TCF12: variants seen among roughly 807,000 people sequenced by gnomAD.
TCF12 encodes the protein DNA-binding protein HTF4.
Under a neutral mutation model 86.0 loss-of-function variants are expected in TCF12, and 45 were observed. The observed-to-expected ratio is 0.52, with a 90% CI of 0.41 to 0.67. TCF12 has a LOEUF of 0.67. TCF12 is among the 30% of genes least tolerant of loss of function. The probability of loss-of-function intolerance (pLI) is 0.00; values close to 1 mark genes in which losing one functional copy is unlikely to be tolerated. For missense variants in TCF12, 881 were observed against 859.9 expected (o/e 1.02, Z -0.31); for synonymous variants, 330 against 299.6 (o/e 1.10, Z -1.05).
At chr15:57,281,781 A>C (rs2061702982) in intron 19 of TCF12, 1 of 152,750 alleles carries the variant, frequency 6.5e-6, no homozygotes, top group African/African-American at 2.4e-5. Context: ...CAGGGCTCCC[A>C]CTGACTTAAT....
chr15:57,247,931 T>A, intron 13 of TCF12: 1 of 757,814 alleles, frequency 1.3e-6, no homozygotes. Context: ...AGACCACCAG[T>A]AAAAAGTTTT....
chr15:57,277,684 C>T (rs1004162738), intron 19 of TCF12, among the ~76,000 whole-genome samples: 3 of 151,374 alleles, frequency 2.0e-5, no homozygotes, highest in Admixed American at 2.0e-4. Context: ...TGCCTGTAAT[C>T]CCAGCACAGT....
chr15:57,087,056 C>T (rs1883267858), intron 4 of TCF12, among the ~76,000 whole-genome samples: 1 of 146,850 alleles, frequency 6.8e-6, no homozygotes. Flanking sequence ...CCTCTGTCTC[C>T]CTCTGTCTCC....
intron 5 of TCF12, among the ~76,000 whole-genome samples, chr15:57,147,882 C>CTT (rs75528355): frequency 0.041 from 5,713 of 137,910 alleles, 337 homozygotes; most frequent in Admixed American, 0.17. Context: ...GGAAACTAGA[C>CTT]TTTTTTTTTT....
chr15:57,195,562 T>A (rs553213986), intron 7 of TCF12, among the ~76,000 whole-genome samples: 1 of 152,344 alleles, frequency 6.6e-6, no homozygotes, highest in Non-Finnish European at 1.5e-5. Context: ...TAAGGAAATA[T>A]AGGCTTGCCT....
chr15:57,231,689 C>A (rs1222627563), intron 9 of TCF12, among the ~76,000 whole-genome samples: 1 of 152,086 alleles, frequency 6.6e-6, no homozygotes, highest in Admixed American at 6.6e-5. Context: ...TCCTTTAATT[C>A]ATGTCTAGCA....
At chr15:57,281,132 C>G (rs1467726575) in intron 19 of TCF12, among the ~76,000 whole-genome samples, 1 of 129,682 alleles carries the variant, frequency 7.7e-6, no homozygotes, top group Non-Finnish European at 1.6e-5. Context: ...GAGACAGGGT[C>G]TTGCTCTGTC....
rs375906726 is a variant in TCF12 at position 57,232,793 on chromosome 15, A to G, written c.907A>G (p.Ser303Gly). The G allele has an allele frequency of 1.9e-6, 3 of 1,612,844 alleles. No individual in the cohort carries two copies. Among genetic ancestry groups the G allele is most frequent in the Non-Finnish European group, 2.5e-6 (3 of 1,179,452 alleles). ...GTCCAGCTTTCATCGCGGCAGTACC[A>G]GCAGTTCACCTTACGTTGCTGCCTC... ...PMSSFHRGST[S>G]SSPYVAASHT... is the part of the protein sequence containing the mutation. Residue 303 changes from serine to glycine, a missense_variant, in exon 11 of 21, where the codon AGC (serine) becomes GGC (glycine). Physicochemically the swap from Ser to Gly is moderately conservative, Grantham distance 56. This residue lies in a region of TCF12 where 766 missense variants were observed against 718.9 expected (regional missense o/e 1.07). Transcript: ENST00000333725.
chr15:57,067,309 G>T (rs2068962734), intron 4 of TCF12, among the ~76,000 whole-genome samples: 1 of 152,062 alleles, frequency 6.6e-6, no homozygotes, highest in Non-Finnish European at 1.5e-5. Context: ...GGGAGGCCGA[G>T]GCGGGCGGAT....
intron 5 of TCF12, among the ~76,000 whole-genome samples, chr15:57,107,175 A>C (rs1164551084): frequency 6.6e-6 from 1 of 152,238 alleles, no homozygotes; most frequent in Admixed American, 6.5e-5. Flanking sequence ...GATGTCCTTC[A>C]GTAGGTGAAT....
chr15:57,113,769 GTC>G (rs1181007360), intron 5 of TCF12, among the ~76,000 whole-genome samples: 1 of 119,782 alleles, frequency 8.3e-6, no homozygotes, highest in Non-Finnish European at 1.7e-5. Flanking sequence ...ACAAGAGCTC[GTC>G]TCTACTTAAA....
At chr15:57,273,355 G>A (rs546232346) in intron 19 of TCF12, 93 bp downstream of exon 19, 5 of 1,302,096 alleles carry the variant, frequency 3.8e-6, no homozygotes, top group South Asian at 2.7e-5. Context: ...GAAGTTGTTT[G>A]TTATTTCTCC....
intron 5 of TCF12, among the ~76,000 whole-genome samples, chr15:57,109,617 G>T (rs1353789442): frequency 6.6e-6 from 1 of 152,092 alleles, no homozygotes; most frequent in East Asian, 1.9e-4. Context: ...AATTAGTTCA[G>T]ATTATTTATC....
intron 3 of TCF12, among the ~76,000 whole-genome samples, chr15:56,987,730 A>T (rs1359767976): frequency 1.3e-5 from 2 of 152,214 alleles, no homozygotes; most frequent in Non-Finnish European, 2.9e-5. Context: ...TGTGACTGGC[A>T]CTTGGAAAGA....
intron 18 of TCF12, among the ~76,000 whole-genome samples, chr15:57,265,748 A>G (rs1240208195): frequency 2.6e-5 from 4 of 152,196 alleles, no homozygotes; most frequent in South Asian, 4.1e-4. Context: ...GAACTGATCA[A>G]TGACATTGAG....
intron 3 of TCF12, among the ~76,000 whole-genome samples, chr15:57,042,122 T>G (rs989416960): frequency 6.6e-6 from 1 of 151,998 alleles, no homozygotes; most frequent in Non-Finnish European, 1.5e-5. Context: ...TTTTTCAATT[T>G]TTATTGTTTT....
chr15:57,214,270 T>C (rs1425936309), intron 8 of TCF12: 2 of 152,202 alleles, frequency 1.3e-5, no homozygotes, highest in African/African-American at 4.8e-5. Context: ...TCTGTCTCAT[T>C]TGAAGGGTTA....
chr15:57,091,861 C>G lies in TCF12; in HGVS notation c.295C>G (p.Pro99Ala). The G allele has an allele frequency of 6.2e-7, 1 of 1,613,756 alleles. No homozygotes were observed. The highest frequency in any genetic ancestry group is 1.1e-5 in the South Asian group (1 of 91,056). Residue 99 changes from proline (P) to alanine (A), a missense_variant, in exon 5 of 21, where the codon CCA becomes GCA. This residue lies in a region of TCF12 where 766 missense variants were observed against 718.9 expected (regional missense o/e 1.07). Coordinates refer to ENST00000333725, the MANE Select transcript of TCF12 (RefSeq NM_207037.2). ...ATTAGGAGCCCATGAAGGCTTGTCC[C>G]CAACACCTTTCATGAACTCAAATCT... The part of the protein sequence containing the change: ...SRLGAHEGLS[P>A]TPFMNSNLMG...
At chr15:57,133,461 C>G (rs2052291967) in intron 5 of TCF12, among the ~76,000 whole-genome samples, 1 of 152,142 alleles carries the variant, frequency 6.6e-6, no homozygotes, top group Non-Finnish European at 1.5e-5. Context: ...GAGAGCCTGC[C>G]CCCTCCGAGG....
Sources: allele counts gnomAD v4.1 joint callset (sites outside exome capture counted in the v4.1 genomes callset), GRCh38; gene constraint gnomAD v4.1.1; regional missense constraint gnomAD v4.1.1; transcripts MANE v1.5; gene names NCBI Gene and HGNC (gene_info 2026-07-23, HGNC 2026-07-21).